Variants in PER3 observed in about 807,000 individuals in gnomAD.
PER3 encodes period circadian regulator 3, also known as period circadian protein homolog 3.
A neutral mutation model predicts 127.2 loss-of-function variants in PER3; 107 were observed. The ratio of observed to expected loss-of-function variants is 0.84; its 90% confidence interval spans 0.72 to 0.99. The LOEUF is 0.99. Among genes scored for constraint, PER3 ranks in the 50% least tolerant of loss-of-function variants. PER3 has a pLI of 0.00. For missense variants in PER3, 1,560 were observed against 1,525.8 expected, an observed-to-expected ratio of 1.02 and a Z score of -0.37; for synonymous variants, 618 against 585.8, an observed-to-expected ratio of 1.05 and a Z score of -0.79.
chr1:7,804,100 T>C (rs765814829), intron 10 of PER3: 143 of 340,376 alleles, frequency 4.2e-4, no homozygotes, highest in Middle Eastern at 7.8e-4. Context: ...ATTATTATAT[T>C]GGTCAATGAA....
At chr1:7,806,792 T>G in intron 10 of PER3, among the ~76,000 whole-genome samples, 1 of 41,690 alleles carries the variant, frequency 2.4e-5, no homozygotes, top group Non-Finnish European at 4.0e-5. Context: ...AGACCCTGTC[T>G]CTTAAAAAAA....
At position 7,820,787 on chromosome 1, in the gene PER3, T is replaced by G. The variant is rs577598664; in HGVS notation, c.1957+147T>G. ...TTCTTTAGTTCAGTTAAAGTATTTC[T>G]GGAAACATTATCATGTTTATGTTGG... On this transcript the variant is annotated intron_variant, in intron 16 of 21. Transcript: ENST00000377532. 1.1e-5 allele frequency: 7 copies of G among 642,864 alleles called. No individual in the cohort carries two copies. In the East Asian group the frequency reaches 2.0e-4, roughly 18 times the overall value. The allele number at this position is 642,864 out of a possible 1,614,324, so 39.8% of individuals were successfully genotyped here. A position where few individuals can be genotyped will look rare whatever the true frequency, so the allele number is the denominator to read the frequency against.
intron 10 of PER3, among the ~76,000 whole-genome samples, chr1:7,806,739 A>C (rs1285593200): frequency 6.7e-6 from 1 of 148,900 alleles, no homozygotes; most frequent in Non-Finnish European, 1.5e-5. Context: ...GGCAGTAGTG[A>C]GCCAGAATTG....
At chr1:7,836,220 C>T (rs1249965147) in intron 20 of PER3, among the ~76,000 whole-genome samples, 2 of 152,086 alleles carry the variant, frequency 1.3e-5, no homozygotes, top group Non-Finnish European at 2.9e-5. Flanking sequence ...CACTCTGTCG[C>T]CCAGGCTGGA....
rs2097398399 is a variant in PER3 at position 7,842,970 on chromosome 1, T to C, written c.*215T>C. ...GATATATTAAAATGGCCAGTTAGGC[T>C]CTTTTTGTAGTTGAATTGTCTTCTA... On this transcript the variant is annotated 3_prime_UTR_variant, in exon 22 of 22. Transcript: ENST00000377532. The C allele has an allele frequency of 3.1e-6, 1 of 327,796 alleles. No homozygotes were observed. The highest frequency in any genetic ancestry group is 5.7e-6 in the Non-Finnish European group (1 of 176,338). The allele number at this position is 327,796 out of a possible 1,614,324, so 20.3% of individuals were successfully genotyped here. A position where few individuals can be genotyped will look rare whatever the true frequency, so the allele number is the denominator to read the frequency against.
rs773165979 is a variant in PER3 at position 7,798,587 on chromosome 1, T to C, written c.707T>C (p.Ile236Thr). ...CCATTCCGGATCATCCCCTATCTGA[T>C]TCATGTACATCACCCTGCCCAGCCA... is the stretch of plus-strand genomic sequence containing the variant. ...HSPFRIIPYL[I>T]HVHHPAQPEL... Residue 236 changes from isoleucine (I) to threonine (T), a missense_variant, in exon 7 of 22, where the codon ATT (isoleucine) becomes ACT (threonine). Physicochemically the swap from Ile to Thr is moderately conservative, Grantham distance 89 (BLOSUM62 -1). Transcript: ENST00000377532. 5 of 1,613,402 alleles carry C rather than the reference T, an allele frequency of 3.1e-6. No individual in the cohort carries two copies. In the Admixed American group the frequency reaches 8.3e-5, roughly 27 times the overall value.
chr1:7,800,569 A>G (rs989572211), intron 7 of PER3, among the ~76,000 whole-genome samples: 1 of 152,282 alleles, frequency 6.6e-6, no homozygotes, highest in Non-Finnish European at 1.5e-5. Flanking sequence ...GAATATCCAT[A>G]TGGTACTAAA....
intron 4 of PER3, chr1:7,787,119 CAA>C (rs1017446814): frequency 5.6e-6 from 2 of 359,478 alleles, no homozygotes; most frequent in African/African-American, 4.2e-5. Flanking sequence ...TAAGAGAAAA[CAA>C]AAATTACACT....
Position 7,829,944 on chromosome 1 carries a change from GT to G in PER3, c.2998del (p.Ser1000ProfsTer7). ...CATCCCATCCTACTGCCAGCGCTCT[GT>G]CCACAGGATCGCCTCCCATGAAGAA... is the stretch of plus-strand genomic sequence containing the variant. ...NPSHPTASAL[S>X]TGSPPMKNPS... On this transcript the variant is annotated frameshift_variant, in exon 19 of 22. Transcript: ENST00000377532. LOFTEE classifies it high-confidence loss of function. The G allele has an allele frequency of 1.6e-6, 2 of 1,269,796 alleles. No individual in the cohort carries two copies. Among genetic ancestry groups the G allele is most frequent in the Non-Finnish European group, 1.0e-6 (1 of 991,878 alleles). 78.7% of individuals were successfully genotyped at this position (1,269,796 alleles called of 1,614,324 possible). A position where few individuals can be genotyped will look rare whatever the true frequency, so the allele number is the denominator to read the frequency against.
chr1:7,842,599 G>A (rs1449242195), intron 21 of PER3, 73 bp from the exon 22 acceptor site: 1 of 1,551,148 alleles, frequency 6.4e-7, no homozygotes, highest in Non-Finnish European at 8.8e-7. Context: ...CATGTGACCA[G>A]CCTTTTACTG....
intron 21 of PER3, among the ~76,000 whole-genome samples, chr1:7,838,557 C>T (rs1016006415): frequency 6.6e-6 from 1 of 152,134 alleles, no homozygotes; most frequent in Admixed American, 6.5e-5. Flanking sequence ...TGCAGGCGCA[C>T]ACCACCATGC....
Position 7,830,152 on chromosome 1 carries a change from G to T in PER3, c.3205G>T (p.Ala1069Ser). The part of the protein sequence containing the change: ...PSESPSRTGS[A>S]ASGSSDSSIY... Reference sequence around the variant, plus strand: ...CGAATCCCCATCCAGAACTGGTTCAGCAGCATCAGGTAGTGGATCAGGACA... The same window carrying T: ...CGAATCCCCATCCAGAACTGGTTCATCAGCATCAGGTAGTGGATCAGGACA... The change falls in exon 19 of 22, where the codon GCA becomes TCA. Residue 1069 changes from alanine to serine, a missense_variant. Physicochemically the swap from Ala to Ser is moderately conservative, Grantham distance 99. Transcript: ENST00000377532. 1 of 1,613,672 alleles carries T rather than the reference G, an allele frequency of 6.2e-7. No individual in the cohort carries two copies. Among genetic ancestry groups the T allele is most frequent in the Non-Finnish European group, 8.5e-7 (1 of 1,179,592 alleles).
intron 21 of PER3, among the ~76,000 whole-genome samples, chr1:7,838,011 G>A (rs753996276): frequency 2.0e-5 from 3 of 152,136 alleles, no homozygotes; most frequent in Non-Finnish European, 4.4e-5. Context: ...GCTACAGTGA[G>A]CTATGATCTC....
rs2097305155 is a variant in PER3, at chr1:7,827,148, C to T, written c.2219C>T (p.Ala740Val). ...TCTACTTCCAAGCAGACGCGGTCGG[C>T]CGGCTGCAGGAAAGGGAAGCACAAG... is the stretch of plus-strand genomic sequence containing the variant. ...GDSTSKQTRSAGCRKGKHKRK... is the reference protein window; with the variant it reads ...GDSTSKQTRSVGCRKGKHKRK... The change falls in exon 18 of 22, where the codon GCC (alanine) becomes GTC (valine). Residue 740 changes from alanine (A) to valine (V), a missense_variant. By Grantham distance (64) the Ala-to-Val change is moderately conservative (BLOSUM62 0). Transcript: ENST00000377532. The T allele has an allele frequency of 6.2e-7, 1 of 1,605,506 alleles. No homozygotes were observed. Among genetic ancestry groups the T allele is most frequent in the Non-Finnish European group, 8.5e-7 (1 of 1,176,422 alleles).
At chr1:7,808,076 TA>T (rs1380724093) in intron 10 of PER3, among the ~76,000 whole-genome samples, 2 of 151,698 alleles carry the variant, frequency 1.3e-5, no homozygotes, top group African/African-American at 4.8e-5. Context: ...CTACTAAAAA[TA>T]CAAAAATTAG....
chr1:7,835,974 T>A (rs756310201), intron 20 of PER3, 29 bp downstream of exon 20: 2 of 1,453,286 alleles, frequency 1.4e-6, no homozygotes, highest in Non-Finnish European at 1.9e-6. Flanking sequence ...AAACCCACTT[T>A]TTATATTTTT....
intron 13 of PER3, among the ~76,000 whole-genome samples, chr1:7,818,903 A>G (rs1384995752): frequency 1.3e-5 from 2 of 152,246 alleles, no homozygotes; most frequent in African/African-American, 2.4e-5. Flanking sequence ...AGGTCTTCCC[A>G]CATTCCACCC....
chr1:7,820,011 G>C, intron 14 of PER3, 104 bp from the exon 15 acceptor site: 1 of 1,162,968 alleles, frequency 8.6e-7, no homozygotes. Context: ...AAAGAAGAAA[G>C]TACAAAGTAT....
At chr1:7,791,419 A>G (rs2097120507) in intron 5 of PER3, among the ~76,000 whole-genome samples, 1 of 152,232 alleles carries the variant, frequency 6.6e-6, no homozygotes, top group South Asian at 2.1e-4. Flanking sequence ...AATGGAGGGC[A>G]TCATGTCCCA....
Sources: allele counts gnomAD v4.1 joint callset (sites outside exome capture counted in the v4.1 genomes callset), GRCh38; gene constraint gnomAD v4.1.1; transcripts MANE v1.5; gene names NCBI Gene and HGNC (gene_info 2026-07-23, HGNC 2026-07-21).